Variants in RYR2 observed in about 807,000 individuals in gnomAD.
RYR2 encodes ryanodine receptor 2.
RYR2 carries 227 observed loss-of-function variants against 601.1 expected under a neutral mutation model. That is an observed-to-expected ratio of 0.38 (90% confidence interval 0.34 to 0.42). The LOEUF (loss-of-function observed/expected upper bound fraction) is 0.42. Ranked by LOEUF, RYR2 falls within the 10% of genes least tolerant of loss-of-function variation. RYR2 has a pLI of 1.00. For missense variants in RYR2, 4,646 were observed against 6,156.5 expected (o/e 0.75, Z 8.21); for synonymous variants, 2,223 against 2,175.1 (o/e 1.02, Z -0.61).
intron 10 of RYR2, among the ~76,000 whole-genome samples, chr1:237,403,099 G>A (rs1703535801): frequency 6.6e-6 from 1 of 152,136 alleles, no homozygotes; most frequent in African/African-American, 2.4e-5. Context: ...AGAACTCACA[G>A]GTGCGTGGAG....
intron 25 of RYR2, among the ~76,000 whole-genome samples, chr1:237,546,330 C>T (rs1291139622): frequency 6.6e-6 from 1 of 152,132 alleles, no homozygotes; most frequent in African/African-American, 2.4e-5. Flanking sequence ...AAGCTTTTGT[C>T]TACAGAAAAA....
intron 1 of RYR2, among the ~76,000 whole-genome samples, chr1:237,085,391 C>T (rs916284050): frequency 6.6e-6 from 1 of 152,170 alleles, no homozygotes; most frequent in African/African-American, 2.4e-5. Context: ...TTTGGAGTCC[C>T]TTCCCTGTTG....
At chr1:237,163,355 A>ACCCCCCCCCCCCCC (rs67343728) in intron 1 of RYR2, among the ~76,000 whole-genome samples, 12 of 90,270 alleles carry the variant, frequency 1.3e-4, no homozygotes, top group African/African-American at 3.0e-4. Context: ...CCAACCCCCT[A>ACCCCCCCCCCCCCC]CCCCCCCCAC....
At position 237,065,320 on chromosome 1, in the gene RYR2, C is replaced by T. The variant is rs186245932; in HGVS notation, c.48+22751C>T. On this transcript the variant is annotated intron_variant, in intron 1 of 104. Transcript: ENST00000366574. ...TTCGAGAGGGAGTCTTGCATTGTCG[C>T]CCAGGCTGGAGTGCAATGGCGTGAT... Among the ~76,000 whole-genome samples the T allele has an allele frequency of 1.3e-3, 167 of 124,148 alleles. 1 individual carries two copies. Among genetic ancestry groups the T allele is most frequent in the African/African-American group, 4.7e-3 (149 of 31,870 alleles). 81.4% of individuals were successfully genotyped at this position (124,148 alleles called of 152,430 possible).
At chr1:237,287,353 G>A (rs570871737) in intron 2 of RYR2, among the ~76,000 whole-genome samples, 2 of 152,124 alleles carry the variant, frequency 1.3e-5, no homozygotes, top group Non-Finnish European at 2.9e-5. Flanking sequence ...GGATGTCTAC[G>A]TCTCTAGCAA....
At chr1:237,098,830 T>C (rs866240455) in intron 1 of RYR2, among the ~76,000 whole-genome samples, 57 of 152,166 alleles carry the variant, frequency 3.7e-4, no homozygotes, top group African/African-American at 1.3e-3. Flanking sequence ...GCAGGATGAA[T>C]AAATTCTGGA....
At chr1:237,463,222 T>G (rs1477354094) in intron 16 of RYR2, among the ~76,000 whole-genome samples, 1 of 152,220 alleles carries the variant, frequency 6.6e-6, no homozygotes, top group Non-Finnish European at 1.5e-5. Flanking sequence ...GTTCACTTAG[T>G]GTTTCCAGGC....
chr1:237,463,895 G>A (rs1261120302), intron 16 of RYR2, among the ~76,000 whole-genome samples: 2 of 152,058 alleles, frequency 1.3e-5, no homozygotes, highest in Non-Finnish European at 2.9e-5. Context: ...TTTTGGAAAG[G>A]CATTAACTTT....
chr1:237,512,570 GT>G (rs1178667316), intron 24 of RYR2, among the ~76,000 whole-genome samples: 1 of 152,114 alleles, frequency 6.6e-6, no homozygotes, highest in Non-Finnish European at 1.5e-5. Flanking sequence ...TTTTGTTTTA[GT>G]TTTTTAAGGA....
At chr1:237,776,577 G>A (rs1252638227) in intron 87 of RYR2, among the ~76,000 whole-genome samples, 1 of 152,054 alleles carries the variant, frequency 6.6e-6, no homozygotes, top group Non-Finnish European at 1.5e-5. Context: ...CTCCCATCTG[G>A]ATGTTGTTCA....
At chr1:237,473,823 G>A (rs9428379) in intron 17 of RYR2, among the ~76,000 whole-genome samples, 82,011 of 151,624 alleles carry the variant, frequency 0.54, 22,543 homozygotes, top group East Asian at 0.78. Context: ...GGACTCAACC[G>A]ACGGAGATAC....
chr1:237,785,978 G>C lies in RYR2; in HGVS notation c.13270G>C (p.Ala4424Pro), dbSNP rs794728796. 5 of 1,591,618 alleles carry C rather than the reference G, an allele frequency of 3.1e-6. No homozygotes were observed. The Admixed American group carries it at 7.1e-5, about 23-fold the overall frequency. The change falls in exon 91 of 105, where the codon GCA becomes CCA. Residue 4424 changes from alanine to proline, a missense_variant. Coordinates refer to ENST00000366574, the MANE Select transcript of RYR2 (RefSeq NM_001035.3). ...EVQEKFQEQK[A>P]KEEEKEEKEE... is the part of the protein sequence containing the mutation. Reference sequence around the variant, plus strand: ...CATTGACTCATTCAAGGAACAGAAGGCAAAAGAAGAAGAAAAGGAAGAAAA... The same window carrying C: ...CATTGACTCATTCAAGGAACAGAAGCCAAAAGAAGAAGAAAAGGAAGAAAA...
At chr1:237,791,356 G>A in intron 92 of RYR2, 73 bp from the exon 93 acceptor site, 1 of 785,986 alleles carries the variant, frequency 1.3e-6, no homozygotes, top group South Asian at 1.5e-5. Flanking sequence ...ATGAATGAAT[G>A]CTTTATTTAA....
chr1:237,661,090 T>A, intron 56 of RYR2, 143 bp downstream of exon 56: 1 of 803,830 alleles, frequency 1.2e-6, no homozygotes, highest in Non-Finnish European at 1.7e-6. Flanking sequence ...AAAAGCTATA[T>A]ATATATTTTT....
chr1:237,702,359 A>G (rs1395064468), intron 66 of RYR2, among the ~76,000 whole-genome samples: 1 of 152,164 alleles, frequency 6.6e-6, no homozygotes, highest in African/African-American at 2.4e-5. Flanking sequence ...CTCATTATAT[A>G]TCAGAAATTC....
intron 29 of RYR2, among the ~76,000 whole-genome samples, chr1:237,581,795 G>C (rs1400655064): frequency 6.6e-6 from 1 of 152,162 alleles, no homozygotes; most frequent in Non-Finnish European, 1.5e-5. Context: ...ACAGACCTGG[G>C]AGAGTAACTT....
chr1:237,426,578 A>G (rs1425128455), intron 12 of RYR2, among the ~76,000 whole-genome samples: 1 of 152,232 alleles, frequency 6.6e-6, no homozygotes, highest in African/African-American at 2.4e-5. Context: ...TTTTCAAGTA[A>G]AGAAGGTGGT....
intron 2 of RYR2, among the ~76,000 whole-genome samples, chr1:237,284,141 G>T (rs977279686): frequency 6.6e-6 from 1 of 152,148 alleles, no homozygotes; most frequent in East Asian, 1.9e-4. Flanking sequence ...CCAGCACTTT[G>T]GGAGGCCGAG....
At chr1:237,493,874 T>C (rs2150428296) in intron 19 of RYR2, among the ~76,000 whole-genome samples, 1 of 152,350 alleles carries the variant, frequency 6.6e-6, no homozygotes, top group African/African-American at 2.4e-5. Flanking sequence ...CCAAGGCACC[T>C]AACGTTCATT....
Sources: allele counts gnomAD v4.1 joint callset (sites outside exome capture counted in the v4.1 genomes callset), GRCh38; gene constraint gnomAD v4.1.1; transcripts MANE v1.5; gene names NCBI Gene and HGNC (gene_info 2026-07-23, HGNC 2026-07-21).